The following COX6C variants were observed in gnomAD, a reference collection of about 807,000 sequenced individuals.
The protein encoded by COX6C is cytochrome c oxidase subunit 6C, also known as cytochrome c oxidase polypeptide VIc.
Under a neutral mutation model 6.9 loss-of-function variants are expected in COX6C, and 3 were observed. That is an observed-to-expected ratio of 0.43 (90% CI 0.20 to 1.12). The LOEUF is 1.12. Among genes scored for constraint, COX6C ranks in the 50% most tolerant of loss-of-function variants. The pLI is 0.27. For synonymous variants in COX6C, 32 were observed against 32.0 expected (o/e 1.00, Z 0.00); for missense variants, 101 against 97.3 (o/e 1.04, Z -0.16).
chr8:99,893,389 G>C (rs1266002899), intron 1 of COX6C: 1 of 152,256 alleles, frequency 6.6e-6, no homozygotes, highest in African/African-American at 2.4e-5. Context: ...AAGCCAGCTG[G>C]GTTCTCGAGG....
At chr8:99,884,776 A>C (rs1207222670) in intron 3 of COX6C, among the ~76,000 whole-genome samples, 1 of 152,232 alleles carries the variant, frequency 6.6e-6, no homozygotes, top group Non-Finnish European at 1.5e-5. Flanking sequence ...TAACTCATAA[A>C]TTAGGCATAG....
intron 3 of COX6C, among the ~76,000 whole-genome samples, chr8:99,878,977 T>G (rs1450586155): frequency 6.6e-6 from 1 of 152,220 alleles, no homozygotes; most frequent in Non-Finnish European, 1.5e-5. Flanking sequence ...GTAACCCACA[T>G]ATATGTAGTG....
At chr8:99,878,470 A>T (rs1321833002) in intron 3 of COX6C, 1 of 152,174 alleles carries the variant, frequency 6.6e-6, no homozygotes, top group Non-Finnish European at 1.5e-5. Flanking sequence ...GACCACTCTG[A>T]ATAGCCTCTT....
chr8:99,883,728 A>G (rs1817903670), intron 3 of COX6C, among the ~76,000 whole-genome samples: 1 of 152,184 alleles, frequency 6.6e-6, no homozygotes, highest in Non-Finnish European at 1.5e-5. Context: ...CGAGAAAACT[A>G]TAGGCCAAAT....
At chr8:99,884,886 G>C (rs1817922820) in intron 3 of COX6C, among the ~76,000 whole-genome samples, 1 of 152,162 alleles carries the variant, frequency 6.6e-6, no homozygotes, top group Non-Finnish European at 1.5e-5. Context: ...TTCATGGATT[G>C]GAATACTTAA....
Position 99,891,925 on chromosome 8 carries a change from C to G in COX6C, c.97G>C (p.Val33Leu). Reference protein sequence around the residue: ...MAVAFVLSLGVAALYKFRVAD... With the variant: ...MAVAFVLSLGLAALYKFRVAD... ...ATACATACCTTATACAAAGCTGCAA[C>G]CCCCAGGGATAGCACGAATGCTACA... is the stretch of plus-strand genomic sequence containing the variant. The change falls in exon 2 of 4, where the codon GTT (valine) becomes CTT (leucine). Residue 33 changes from valine (V) to leucine (L), a missense_variant. By Grantham distance (32) the Val-to-Leu change is conservative. Transcript: ENST00000520468. The G allele has an allele frequency of 2.5e-6, 4 of 1,613,886 alleles. No individual in the cohort carries two copies. The highest frequency in any genetic ancestry group is 2.2e-5 in the East Asian group (1 of 44,888).
At chr8:99,883,147 A>C (rs963449605) in intron 3 of COX6C, among the ~76,000 whole-genome samples, 1 of 152,120 alleles carries the variant, frequency 6.6e-6, no homozygotes, top group East Asian at 1.9e-4. Context: ...AACGTCTATA[A>C]CTAGTAGGAA....
At chr8:99,881,125 C>T (rs1483662545) in intron 3 of COX6C, among the ~76,000 whole-genome samples, 1 of 152,056 alleles carries the variant, frequency 6.6e-6, no homozygotes, top group Non-Finnish European at 1.5e-5. Flanking sequence ...TTTGGGAGGC[C>T]CAGGCAGGCA....
intron 3 of COX6C, among the ~76,000 whole-genome samples, chr8:99,883,232 A>G (rs1020711091): frequency 2.0e-5 from 3 of 152,020 alleles, no homozygotes; most frequent in African/African-American, 7.3e-5. Flanking sequence ...AACTTTTTTG[A>G]GACAGGGTCT....
At chr8:99,882,176 GAAC>G (rs1006624104) in intron 3 of COX6C, among the ~76,000 whole-genome samples, 34 of 152,030 alleles carry the variant, frequency 2.2e-4, no homozygotes, top group Non-Finnish European at 1.0e-4. Flanking sequence ...ATAATTGACA[GAAC>G]AACTAGATAG....
intron 2 of COX6C, among the ~76,000 whole-genome samples, chr8:99,888,569 G>A (rs1164725401): frequency 2.0e-5 from 3 of 152,116 alleles, no homozygotes; most frequent in Non-Finnish European, 4.4e-5. Flanking sequence ...GCAAGACTCC[G>A]TCTTGAAAAA....
rs1194721007 is a variant in COX6C at position 99,878,051 on chromosome 8, C to T, written c.*230G>A. 1 of 152,186 alleles carries T rather than the reference C, an allele frequency of 6.6e-6. No homozygotes were observed. The highest frequency in any genetic ancestry group is 6.5e-5 in the Admixed American group (1 of 15,286). The allele number at this position is 152,186 out of a possible 1,614,324, so 9.4% of individuals were successfully genotyped here. On this transcript the variant is annotated 3_prime_UTR_variant, in exon 4 of 4. Transcript: ENST00000520468. ...TGAAATTTTAACAAAACACGGAAATCAAGTTAGCTTCATAAACAGTTAAAT... is the reference window on the plus strand; with the variant it reads ...TGAAATTTTAACAAAACACGGAAATTAAGTTAGCTTCATAAACAGTTAAAT...
intron 3 of COX6C, among the ~76,000 whole-genome samples, chr8:99,885,592 A>G (rs1163451618): frequency 6.6e-6 from 1 of 152,250 alleles, no homozygotes; most frequent in East Asian, 1.9e-4. Context: ...GGAAAACTGG[A>G]TACCACATGT....
rs1817879210 is a variant in COX6C at position 99,882,465 on chromosome 8, TAAC to T, written c.*16-4203_*16-4201del. ...AATGTGTTTAAATTAAACAGACTCT[TAAC>T]AATCAATAAATTAAAAAAGAAATTA... On this transcript the variant is annotated intron_variant, in intron 3 of 3. Transcript: ENST00000520468. Among the ~76,000 whole-genome samples the T allele has an allele frequency of 2.0e-5, 3 of 152,230 alleles. No individual in the cohort carries two copies. The East Asian group carries it at 5.8e-4, about 29-fold the overall frequency.
At chr8:99,891,772 A>G (rs1348670391) in intron 2 of COX6C, 136 bp downstream of exon 2, 3 of 746,284 alleles carry the variant, frequency 4.0e-6, no homozygotes, top group African/African-American at 3.5e-5. Context: ...AGGACAAGCT[A>G]TAGTTCCTGT....
intron 3 of COX6C, among the ~76,000 whole-genome samples, chr8:99,886,561 G>A (rs1022358363): frequency 2.3e-4 from 35 of 152,146 alleles, no homozygotes; most frequent in Non-Finnish European, 4.7e-4. Context: ...ATATTTGCAT[G>A]CCTAGGTTCA....
chr8:99,882,296 G>C (rs1385425687), intron 3 of COX6C, among the ~76,000 whole-genome samples: 1 of 152,142 alleles, frequency 6.6e-6, no homozygotes. Context: ...AGAGAACATG[G>C]AACATTCTCC....
chr8:99,882,803 T>C (rs1817884722), intron 3 of COX6C, among the ~76,000 whole-genome samples: 1 of 152,268 alleles, frequency 6.6e-6, no homozygotes, highest in African/African-American at 2.4e-5. Context: ...AAAAAAAATT[T>C]TGTGGGGGAG....
chr8:99,883,189 C>T (rs1217584088), intron 3 of COX6C, among the ~76,000 whole-genome samples: 2 of 152,034 alleles, frequency 1.3e-5, no homozygotes, highest in Non-Finnish European at 1.5e-5. Context: ...CTTCAAAAAA[C>T]AAGAGTCCAA....
Sources: allele counts gnomAD v4.1 joint callset (sites outside exome capture counted in the v4.1 genomes callset), GRCh38; gene constraint gnomAD v4.1.1; transcripts MANE v1.5; gene names NCBI Gene and HGNC (gene_info 2026-07-23, HGNC 2026-07-21).